Variants in ACADS observed in about 807,000 individuals in gnomAD.
The protein encoded by ACADS is acyl-CoA dehydrogenase short chain, also known as short-chain specific acyl-CoA dehydrogenase, mitochondrial.
A neutral mutation model predicts 46.8 loss-of-function variants in ACADS; 28 were observed. That is an observed-to-expected ratio of 0.60 (90% CI 0.44 to 0.82). ACADS has a LOEUF of 0.82. ACADS is among the 40% of genes least tolerant of loss of function. ACADS has a pLI of 0.00. For synonymous variants in ACADS, 236 were observed against 237.7 expected (o/e 0.99, Z 0.07); for missense variants, 528 against 578.0 (o/e 0.91, Z 0.89).
Position 120,728,759 on chromosome 12 carries a change from G to A in ACADS, c.210+1570G>A, listed in dbSNP as rs1026996776. On this transcript the variant is annotated intron_variant, in intron 2 of 9. Coordinates refer to ENST00000242592, the MANE Select transcript of ACADS (RefSeq NM_000017.4). The surrounding 1 kb of genome is among the most constrained non-coding windows in gnomAD (Gnocchi z 4.0). The stretch of plus-strand genomic sequence containing the variant: ...TGAGCTCAGGCAATCCACCCGCCTC[G>A]GCCTCGCAAAGTGCTGGGATTACAG... Among the ~76,000 whole-genome samples, 3 of 151,700 alleles carry A rather than the reference G, an allele frequency of 2.0e-5. No individual in the cohort carries two copies. The highest frequency in any genetic ancestry group is 2.9e-5 in the Non-Finnish European group (2 of 67,946).
At position 120,737,148 on chromosome 12, in the gene ACADS, C is replaced by T. The variant is rs1240235843; in HGVS notation, c.360+13C>T. The T allele has an allele frequency of 1.9e-6, 3 of 1,570,698 alleles. No individual in the cohort carries two copies. Among genetic ancestry groups the T allele is most frequent in the Non-Finnish European group, 2.6e-6 (3 of 1,156,852 alleles). On this transcript the variant is annotated intron_variant, in intron 3 of 9. Transcript: ENST00000242592. ...GAGTGTCAACAACGTGAGCCCCCTC[C>T]CAGGCCCCTGGGACACACGGGTGGA...
chr12:120,733,248 AG>A (rs1883324470), intron 2 of ACADS, among the ~76,000 whole-genome samples: 1 of 151,698 alleles, frequency 6.6e-6, no homozygotes, highest in African/African-American at 2.4e-5. Flanking sequence ...GGAGAGGGAG[AG>A]GGAGAGGGAG....
rs1163622986 is a variant in ACADS at position 120,737,827 on chromosome 12, G to C, written c.473-10G>C. On this transcript the variant is annotated splice_polypyrimidine_tract_variant and intron_variant, in intron 4 of 9. Transcript: ENST00000242592. ...GGGGCGTGCGCTGAGCCCTGGGTCT[G>C]TGTGGGCAGGGAACGGCAGTGATGC... The C allele has an allele frequency of 6.2e-7, 1 of 1,613,956 alleles. No homozygotes were observed. The highest frequency in any genetic ancestry group is 8.5e-7 in the Non-Finnish European group (1 of 1,179,894).
rs1555244290 is a variant in ACADS, at chr12:120,738,881, C to T, written c.995C>T (p.Ala332Val). 2 of 1,613,824 alleles carry T rather than the reference C, an allele frequency of 1.2e-6. No individual in the cohort carries two copies. The highest frequency in any genetic ancestry group is 1.7e-6 in the Non-Finnish European group (2 of 1,180,018). ...ESARLLTWRA[A>V]MLKDNKKPFI... ...GCCCGGCTGCTGACCTGGCGCGCTG[C>T]CATGCTGAAGGATAACAAGAAGCCT... The change falls in exon 8 of 10, where the codon GCC becomes GTC. Residue 332 changes from alanine to valine, a missense_variant. Transcript: ENST00000242592.
At chr12:120,737,567 G>C in intron 4 of ACADS, 100 bp downstream of exon 4, 1 of 1,223,960 alleles carries the variant, frequency 8.2e-7, no homozygotes, top group Non-Finnish European at 1.2e-6. Flanking sequence ...AGGCCAGAGG[G>C]GAGGCTCCCC....
chr12:120,730,016 C>T (rs1566024296), intron 2 of ACADS, among the ~76,000 whole-genome samples: 1 of 152,152 alleles, frequency 6.6e-6, no homozygotes, highest in Non-Finnish European at 1.5e-5. Flanking sequence ...TGGAGTCTCG[C>T]TCTGTCCCCA....
intron 2 of ACADS, 51 bp from the exon 3 acceptor site, chr12:120,736,935 G>A: frequency 6.5e-7 from 1 of 1,534,344 alleles, no homozygotes; most frequent in Non-Finnish European, 8.8e-7. Context: ...TGGGGAGGGT[G>A]GGCTCGCCCC....
intron 7 of ACADS, 62 bp from the exon 8 acceptor site, chr12:120,738,758 C>G (rs777823861): frequency 1.2e-6 from 2 of 1,611,742 alleles, no homozygotes; most frequent in Non-Finnish European, 1.7e-6. Flanking sequence ...TCCTCCTCCC[C>G]CTCCCTTCTG....
intron 7 of ACADS, 70 bp from the exon 8 acceptor site, chr12:120,738,750 C>T (rs1883547029): frequency 1.2e-6 from 2 of 1,610,862 alleles, no homozygotes; most frequent in Non-Finnish European, 1.7e-6. Flanking sequence ...GCTCTCCGTC[C>T]TCCTCCCCCT....
chr12:120,738,376 C>A lies in ACADS; in HGVS notation c.721C>A (p.Leu241Ile), dbSNP rs1479877981. Residue 241 changes from leucine (L) to isoleucine (I), a missense_variant, in exon 6 of 10, where the codon CTC becomes ATC. Physicochemically the swap from Leu to Ile is conservative, Grantham distance 5 (BLOSUM62 2). Transcript: ENST00000242592. ...LGIRGSSTAN[L>I]IFEDCRIPKD... ...CATCCGGGGCTCATCCACGGCCAAC[C>A]TCATCTTTGAGGACTGTCGCATCCC... 1.9e-6 allele frequency: 3 copies of A among 1,614,088 alleles called. No individual in the cohort carries two copies. In the African/African-American group the frequency reaches 4.0e-5, roughly 22 times the overall value.
intron 2 of ACADS, among the ~76,000 whole-genome samples, chr12:120,734,336 T>C (rs187427413): frequency 2.1e-4 from 32 of 152,356 alleles, no homozygotes; most frequent in Admixed American, 6.5e-4. Context: ...CTCTGCCCTC[T>C]GACTGCAGCA....
rs777181213 is a variant in ACADS, at chr12:120,738,605, G to C, written c.868G>C (p.Ala290Pro). ...CATTGCCCAGACCGCCCTCGATTGT[G>C]CTGTGAACTACGCTGAGAATCGCAT... Reference protein sequence around the residue: ...LGIAQTALDCAVNYAENRMAF... With the variant: ...LGIAQTALDCPVNYAENRMAF... Residue 290 changes from alanine to proline, a missense_variant, in exon 7 of 10, where the codon GCT becomes CCT. Coordinates refer to ENST00000242592, the MANE Select transcript of ACADS (RefSeq NM_000017.4). The C allele has an allele frequency of 3.7e-6, 6 of 1,613,306 alleles. No individual in the cohort carries two copies. In the South Asian group the frequency reaches 6.6e-5, roughly 18 times the overall value.
At chr12:120,732,205 C>T (rs1034628679) in intron 2 of ACADS, among the ~76,000 whole-genome samples, 12 of 146,832 alleles carry the variant, frequency 8.2e-5, no homozygotes, top group East Asian at 4.2e-4. Context: ...CTTCCCAGTA[C>T]GGGCGGCCGG....
chr12:120,733,736 T>A (rs1592937384), intron 2 of ACADS, among the ~76,000 whole-genome samples: 1 of 151,932 alleles, frequency 6.6e-6, no homozygotes, highest in East Asian at 1.9e-4. Context: ...TGTGGATGAG[T>A]TTCCTATTGC....
In ACADS at chr12:120,726,687, C is replaced by A. The variant is rs11065229; in HGVS notation, c.47-339C>A. Among the ~76,000 whole-genome samples the A allele has an allele frequency of 0.019, 2,863 of 152,280 alleles. 247 individuals are homozygous for A. The East Asian group carries it at 0.28, about 15-fold the overall frequency. ...AGGTCTTATTACTGTTGGTATTATA[C>A]TGAGGACTGAAGGATGTAGTGTATG... On this transcript the variant is annotated intron_variant, in intron 1 of 9. Transcript: ENST00000242592.
chr12:120,736,936 G>A, intron 2 of ACADS, 50 bp from the exon 3 acceptor site: 1 of 1,535,520 alleles, frequency 6.5e-7, no homozygotes, highest in Non-Finnish European at 8.8e-7. Context: ...GGGGAGGGTG[G>A]GCTCGCCCCC....
At chr12:120,726,372 T>C (rs1365653825) in intron 1 of ACADS, among the ~76,000 whole-genome samples, 1 of 152,150 alleles carries the variant, frequency 6.6e-6, no homozygotes, top group Non-Finnish European at 1.5e-5. Context: ...ATAGGGTATG[T>C]AAAGCACTTC....
At chr12:120,727,296 A>C in intron 2 of ACADS, 107 bp downstream of exon 2, 2 of 1,450,626 alleles carry the variant, frequency 1.4e-6, no homozygotes, top group Non-Finnish European at 1.9e-6. Flanking sequence ...AGGAACCCCA[A>C]AGCAGGGCCT....
intron 2 of ACADS, among the ~76,000 whole-genome samples, chr12:120,730,353 G>A (rs963957731): frequency 6.6e-6 from 1 of 152,182 alleles, no homozygotes; most frequent in South Asian, 2.1e-4. Flanking sequence ...AATTGAGGGC[G>A]ATGGTATATG....
Sources: allele counts gnomAD v4.1 joint callset (sites outside exome capture counted in the v4.1 genomes callset), GRCh38; gene constraint gnomAD v4.1.1; non-coding constraint Gnocchi (gnomAD v3.1); transcripts MANE v1.5; gene names NCBI Gene and HGNC (gene_info 2026-07-23, HGNC 2026-07-21).